ST8SIA1: variants seen among roughly 807,000 people sequenced by gnomAD.
ST8SIA1 encodes the protein alpha-N-acetylneuraminide alpha-2,8-sialyltransferase.
Under a neutral mutation model 35.9 loss-of-function variants are expected in ST8SIA1, and 16 were observed. The observed-to-expected ratio is 0.45, with a 90% CI of 0.30 to 0.68. The LOEUF is 0.68. Among genes scored for constraint, ST8SIA1 ranks in the 30% least tolerant of loss-of-function variants. The probability of loss-of-function intolerance (pLI) is 0.09; values close to 1 mark genes in which losing one functional copy is unlikely to be tolerated. For missense variants in ST8SIA1, 383 were observed against 453.6 expected (o/e 0.84, Z 1.41); for synonymous variants, 170 against 169.6 (o/e 1.00, Z -0.02).
At chr12:22,317,780 C>T (rs866614896) in intron 1 of ST8SIA1, among the ~76,000 whole-genome samples, 3 of 152,182 alleles carry the variant, frequency 2.0e-5, no homozygotes, top group Non-Finnish European at 4.4e-5. Flanking sequence ...AGCCTCCACT[C>T]GGAGACAGAT....
chr12:22,259,882 C>T (rs1865769106), intron 2 of ST8SIA1, among the ~76,000 whole-genome samples: 1 of 152,160 alleles, frequency 6.6e-6, no homozygotes, highest in Non-Finnish European at 1.5e-5. Flanking sequence ...GATGTATGAA[C>T]AAGATGTTTT....
intron 4 of ST8SIA1, among the ~76,000 whole-genome samples, chr12:22,228,438 G>A (rs540848920): frequency 8.5e-5 from 13 of 152,130 alleles, no homozygotes; most frequent in African/African-American, 2.2e-4. Context: ...TTTTGTCTAT[G>A]TGTTTATTTA....
intron 4 of ST8SIA1, among the ~76,000 whole-genome samples, chr12:22,208,932 A>G (rs934210642): frequency 9.9e-5 from 15 of 152,126 alleles, no homozygotes; most frequent in Non-Finnish European, 1.8e-4. Flanking sequence ...GTAATAGAAA[A>G]TAAGATAAAT....
chr12:22,217,019 A>G (rs897330140), intron 4 of ST8SIA1, among the ~76,000 whole-genome samples: 2 of 152,240 alleles, frequency 1.3e-5, no homozygotes, highest in Non-Finnish European at 2.9e-5. Flanking sequence ...ACCCTTAAAT[A>G]CAAATCTCTC....
intron 1 of ST8SIA1, chr12:22,324,633 GAT>G (rs1866650936): frequency 6.6e-6 from 1 of 152,030 alleles, no homozygotes; most frequent in Admixed American, 6.5e-5. Context: ...AAATATTAGC[GAT>G]GTTTGTTAAA....
intron 4 of ST8SIA1, among the ~76,000 whole-genome samples, chr12:22,217,028 T>C (rs894042240): frequency 2.6e-5 from 4 of 152,224 alleles, no homozygotes; most frequent in Non-Finnish European, 1.5e-5. Flanking sequence ...TACAAATCTC[T>C]CATTAGGCAC....
intron 2 of ST8SIA1, among the ~76,000 whole-genome samples, chr12:22,260,902 A>G (rs1865783715): frequency 7.9e-6 from 1 of 126,362 alleles, no homozygotes; most frequent in African/African-American, 3.1e-5. Context: ...TTTGAGACAC[A>G]GTTTCACTCT....
chr12:22,243,311 C>T (rs1268928376), intron 4 of ST8SIA1, among the ~76,000 whole-genome samples: 1 of 152,108 alleles, frequency 6.6e-6, no homozygotes, highest in Non-Finnish European at 1.5e-5. Flanking sequence ...CATGAAAGTA[C>T]AAGATAACTA....
At chr12:22,239,352 G>C (rs1186620375) in intron 4 of ST8SIA1, among the ~76,000 whole-genome samples, 1 of 152,002 alleles carries the variant, frequency 6.6e-6, no homozygotes, top group East Asian at 1.9e-4. Flanking sequence ...TATCGTCCAT[G>C]TTTCTTTGTC....
chr12:22,287,850 A>G (rs767435737), intron 1 of ST8SIA1, among the ~76,000 whole-genome samples: 3 of 152,218 alleles, frequency 2.0e-5, no homozygotes, highest in Non-Finnish European at 4.4e-5. Flanking sequence ...TAGAAATAGA[A>G]TGAAATGAAT....
At chr12:22,214,341 G>A (rs563081223) in intron 4 of ST8SIA1, among the ~76,000 whole-genome samples, 1 of 152,218 alleles carries the variant, frequency 6.6e-6, no homozygotes, top group South Asian at 2.1e-4. Flanking sequence ...ATATTTTATA[G>A]TAGAAATCAA....
chr12:22,221,665 GT>G (rs1353230632), intron 4 of ST8SIA1, among the ~76,000 whole-genome samples: 25 of 152,352 alleles, frequency 1.6e-4, no homozygotes, highest in African/African-American at 5.8e-4. Flanking sequence ...CAGAGGCTAA[GT>G]AAAAGCAGAG....
intron 4 of ST8SIA1, among the ~76,000 whole-genome samples, chr12:22,246,801 A>G (rs1865609549): frequency 1.3e-5 from 2 of 152,166 alleles, no homozygotes; most frequent in Admixed American, 6.5e-5. Context: ...TCTTCTGTCA[A>G]ATGCATAAAT....
At chr12:22,317,954 T>C (rs1053435861) in intron 1 of ST8SIA1, among the ~76,000 whole-genome samples, 2 of 152,224 alleles carry the variant, frequency 1.3e-5, no homozygotes, top group African/African-American at 4.8e-5. Context: ...TTGTTGGAAA[T>C]AGTCTTAGTT....
At chr12:22,272,827 G>C (rs1865927002) in intron 2 of ST8SIA1, among the ~76,000 whole-genome samples, 1 of 152,212 alleles carries the variant, frequency 6.6e-6, no homozygotes, top group African/African-American at 2.4e-5. Context: ...ACTGCACTCT[G>C]CCATTTAGTT....
chr12:22,201,339 AT>A lies in ST8SIA1; in HGVS notation c.*212del, dbSNP rs1159790737. 1.8e-6 allele frequency: 1 copy of A among 543,044 alleles called. No individual in the cohort carries two copies. The highest frequency in any genetic ancestry group is 3.2e-5 in the East Asian group (1 of 31,442). The allele number at this position is 543,044 out of a possible 1,614,324, so 33.6% of individuals were successfully genotyped here. A position where few individuals can be genotyped will look rare whatever the true frequency, so the allele number is the denominator to read the frequency against. Reference sequence around the variant, plus strand: ...GCATTTTACTAGTTGCAAATCTGCCATGTGCTATAAAGTATTTCATAGGATG... The same window carrying A: ...GCATTTTACTAGTTGCAAATCTGCCAGTGCTATAAAGTATTTCATAGGATG... On this transcript the variant is annotated 3_prime_UTR_variant, in exon 5 of 5. Coordinates refer to ENST00000396037, the MANE Select transcript of ST8SIA1 (RefSeq NM_003034.4).
At chr12:22,271,553 G>C (rs1304208280) in intron 2 of ST8SIA1, among the ~76,000 whole-genome samples, 1 of 152,074 alleles carries the variant, frequency 6.6e-6, no homozygotes, top group Non-Finnish European at 1.5e-5. Context: ...CTATAAAATG[G>C]GGTGAAGGGA....
chr12:22,329,104 G>A (rs1320469039), intron 1 of ST8SIA1, among the ~76,000 whole-genome samples: 2 of 152,014 alleles, frequency 1.3e-5, no homozygotes, highest in African/African-American at 4.8e-5. Context: ...TATTAGCAAA[G>A]AATAAAAAGA....
At chr12:22,259,087 C>A (rs1457094311) in intron 2 of ST8SIA1, among the ~76,000 whole-genome samples, 1 of 152,090 alleles carries the variant, frequency 6.6e-6, no homozygotes, top group Non-Finnish European at 1.5e-5. Context: ...TTTTTCATTT[C>A]TTTCCTCCTT....
Sources: gnomAD v4.1 joint callset for allele counts (sites outside exome capture counted in the v4.1 genomes callset) on GRCh38, gnomAD v4.1.1 for gene constraint, MANE v1.5 for transcripts, NCBI Gene and HGNC (gene_info 2026-07-23, HGNC 2026-07-21) for gene names.